Variants in HPSE2 observed in about 807,000 individuals in gnomAD.
HPSE2 encodes inactive heparanase-2.
A neutral mutation model predicts 60.5 loss-of-function variants in HPSE2; 38 were observed. The ratio of observed to expected loss-of-function variants is 0.63; its 90% CI spans 0.48 to 0.82. The LOEUF is 0.82. HPSE2 is among the 40% of genes least tolerant of loss of function. The pLI is 0.00. For synonymous variants in HPSE2, 295 were observed against 293.2 expected, an observed-to-expected ratio of 1.01 and a Z score of -0.06; for missense variants, 713 against 740.4, an observed-to-expected ratio of 0.96 and a Z score of 0.43.
intron 3 of HPSE2, among the ~76,000 whole-genome samples, chr10:98,977,259 T>C (rs755492067): frequency 3.9e-5 from 6 of 152,122 alleles, no homozygotes; most frequent in Non-Finnish European, 7.4e-5. Flanking sequence ...ATCAATTTAG[T>C]GTAGTGCCTA....
At chr10:99,097,565 T>C (rs1023755430) in intron 3 of HPSE2, among the ~76,000 whole-genome samples, 6 of 152,172 alleles carry the variant, frequency 3.9e-5, no homozygotes, top group South Asian at 2.1e-4. Context: ...TAAAATTTTA[T>C]TTTACATGGT....
At chr10:99,247,325 A>G in the HPSE2 span, among the ~76,000 whole-genome samples, 1 of 152,268 alleles carries the variant, frequency 6.6e-6, no homozygotes, top group South Asian at 2.1e-4. Context: ...CTGCAACATG[A>G]AAAGAATTAG....
At chr10:98,599,301 C>T (rs113921063) in intron 9 of HPSE2, among the ~76,000 whole-genome samples, 2,687 of 152,246 alleles carry the variant, frequency 0.018, 82 homozygotes, top group African/African-American at 0.06. Context: ...TCTGTATCCA[C>T]GGTGGCCAGC....
chr10:98,744,575 A>G (rs1464460676), intron 3 of HPSE2, among the ~76,000 whole-genome samples: 20 of 152,100 alleles, frequency 1.3e-4, no homozygotes, highest in Admixed American at 1.3e-3. Flanking sequence ...AAAAACAAGC[A>G]GCAGAGAGAA....
chr10:98,610,635 C>T lies in HPSE2; in HGVS notation c.1320+4269G>A, dbSNP rs144165175. 5.1e-3 allele frequency among the ~76,000 whole-genome samples: 781 copies of T among 152,266 alleles called. 5 individuals carry two copies. The highest frequency in any genetic ancestry group is 6.2e-3 in the Admixed American group (95 of 15,292). On this transcript the variant is annotated intron_variant, in intron 9 of 11. Transcript: ENST00000370552. The stretch of plus-strand genomic sequence containing the variant: ...GGCAGTAAATTTCCATACCACTGTG[C>T]CCACTGTGGAAAAGGCAATCCAATG...
chr10:98,849,906 G>A (rs907671014), intron 3 of HPSE2, among the ~76,000 whole-genome samples: 4 of 151,938 alleles, frequency 2.6e-5, no homozygotes, highest in Non-Finnish European at 1.5e-5. Flanking sequence ...CACCATGCCC[G>A]GCTAATTTTG....
chr10:98,723,684 T>C (rs2134257479), intron 4 of HPSE2, among the ~76,000 whole-genome samples: 1 of 152,334 alleles, frequency 6.6e-6, no homozygotes, highest in Non-Finnish European at 1.5e-5. Flanking sequence ...CTTCCTGGTT[T>C]AGTCTTGGCA....
intron 3 of HPSE2, among the ~76,000 whole-genome samples, chr10:99,080,314 A>T (rs1843092386): frequency 2.0e-5 from 3 of 152,172 alleles, no homozygotes; most frequent in Non-Finnish European, 4.4e-5. Flanking sequence ...AACCAATAAT[A>T]GCAACAAAAA....
intron 3 of HPSE2, among the ~76,000 whole-genome samples, chr10:99,076,873 T>C (rs1246454908): frequency 6.6e-6 from 1 of 152,228 alleles, no homozygotes; most frequent in Non-Finnish European, 1.5e-5. Context: ...GAACTCCCTT[T>C]AATAAGTCTT....
chr10:98,948,321 T>G (rs1223197030), intron 3 of HPSE2, among the ~76,000 whole-genome samples: 1 of 151,724 alleles, frequency 6.6e-6, no homozygotes, highest in African/African-American at 2.4e-5. Flanking sequence ...GGGTAAAGGG[T>G]TTCAAGGTAT....
At chr10:98,760,285 T>C (rs370249633) in intron 3 of HPSE2, among the ~76,000 whole-genome samples, 8 of 152,086 alleles carry the variant, frequency 5.3e-5, no homozygotes, top group African/African-American at 1.7e-4. Context: ...CCTTGGCAGG[T>C]TTCATTTCTT....
chr10:98,600,928 T>TAAA (rs1554950589), intron 9 of HPSE2, among the ~76,000 whole-genome samples: 1 of 70,594 alleles, frequency 1.4e-5, no homozygotes, highest in African/African-American at 3.8e-5. Flanking sequence ...TATATATATA[T>TAAA]ATATATATAT....
intron 4 of HPSE2, among the ~76,000 whole-genome samples, chr10:98,734,241 C>G (rs1336942388): frequency 1.3e-5 from 2 of 152,168 alleles, no homozygotes; most frequent in Non-Finnish European, 2.9e-5. Flanking sequence ...TTTCATTTAT[C>G]AAGTCATCAA....
chr10:98,731,718 C>A (rs1344164035), intron 4 of HPSE2, among the ~76,000 whole-genome samples: 1 of 152,130 alleles, frequency 6.6e-6, no homozygotes, highest in Non-Finnish European at 1.5e-5. Flanking sequence ...AAGGAGAAGA[C>A]AAGGATGTCT....
chr10:98,983,753 G>T (rs918954545), intron 3 of HPSE2, among the ~76,000 whole-genome samples: 1 of 152,222 alleles, frequency 6.6e-6, no homozygotes, highest in African/African-American at 2.4e-5. Flanking sequence ...CCAAGGAAAG[G>T]GGTGACAGAC....
chr10:98,644,466 G>A (rs941610327), intron 6 of HPSE2, among the ~76,000 whole-genome samples: 5 of 152,314 alleles, frequency 3.3e-5, no homozygotes, highest in Non-Finnish European at 7.4e-5. Flanking sequence ...CCCAGCAGGT[G>A]TGAGGCAGAG....
At chr10:99,010,446 A>G (rs144635810) in intron 3 of HPSE2, among the ~76,000 whole-genome samples, 12 of 152,308 alleles carry the variant, frequency 7.9e-5, no homozygotes, top group African/African-American at 1.9e-4. Context: ...CTTGACTCCT[A>G]TTGATTCCAG....
chr10:99,245,100 A>G, the HPSE2 span, among the ~76,000 whole-genome samples: 1 of 152,118 alleles, frequency 6.6e-6, no homozygotes, highest in Admixed American at 6.5e-5. Context: ...GATTTTCTGA[A>G]GCCTGGACCA....
intron 2 of HPSE2, among the ~76,000 whole-genome samples, chr10:99,152,905 G>C (rs902106282): frequency 6.6e-6 from 1 of 152,224 alleles, no homozygotes; most frequent in Non-Finnish European, 1.5e-5. Flanking sequence ...CATCGTGCGC[G>C]AGCCGAAGCA....
Sources: allele counts gnomAD v4.1 joint callset (sites outside exome capture counted in the v4.1 genomes callset), GRCh38; gene constraint gnomAD v4.1.1; transcripts MANE v1.5; gene names NCBI Gene and HGNC (gene_info 2026-07-23, HGNC 2026-07-21).